The following KYNU variants were observed in gnomAD, a reference collection of about 807,000 sequenced individuals.
KYNU encodes kynureninase.
A neutral mutation model predicts 59.2 loss-of-function variants in KYNU; 54 were observed. The observed-to-expected ratio is 0.91, with a 90% CI of 0.73 to 1.14. The LOEUF (loss-of-function observed/expected upper bound fraction) is 1.14. Ranked by LOEUF, KYNU falls within the 50% of genes most tolerant of loss-of-function variation. The probability of loss-of-function intolerance (pLI) is 0.00; values close to 1 mark genes in which losing one functional copy is unlikely to be tolerated. For synonymous variants in KYNU, 177 were observed against 192.0 expected (o/e 0.92, Z 0.65); for missense variants, 567 against 554.4 (o/e 1.02, Z -0.23).
chr2:142,878,066 T>G (rs1056878536), intron 1 of KYNU, among the ~76,000 whole-genome samples: 1 of 152,184 alleles, frequency 6.6e-6, no homozygotes, highest in Non-Finnish European at 1.5e-5. Flanking sequence ...TAGGTCAAAC[T>G]CCAGACGAGG....
chr2:143,011,655 A>G, intron 10 of KYNU, among the ~76,000 whole-genome samples: 1 of 42,312 alleles, frequency 2.4e-5, no homozygotes, highest in Non-Finnish European at 4.1e-5. Flanking sequence ...AAAGACTTGG[A>G]ACCAACCCAA....
intron 4 of KYNU, among the ~76,000 whole-genome samples, chr2:142,944,582 G>A (rs983355987): frequency 2.6e-5 from 4 of 151,888 alleles, no homozygotes; most frequent in Admixed American, 2.0e-4. Context: ...CAACATAACT[G>A]GAGCTCTTGA....
At chr2:142,928,046 T>G (rs1683099670) in intron 4 of KYNU, among the ~76,000 whole-genome samples, 1 of 152,196 alleles carries the variant, frequency 6.6e-6, no homozygotes, top group African/African-American at 2.4e-5. Flanking sequence ...ATTGAATACA[T>G]TTCATAAAAA....
chr2:143,043,039 T>C lies in KYNU; in HGVS notation c.*867T>C, dbSNP rs900928663. The C allele has an allele frequency of 7.9e-5, 12 of 151,954 alleles. No individual in the cohort carries two copies. Among genetic ancestry groups the C allele is most frequent in the Non-Finnish European group, 1.5e-4 (10 of 67,916 alleles). The allele number at this position is 151,954 out of a possible 1,614,324, so 9.4% of individuals were successfully genotyped here. On this transcript the variant is annotated 3_prime_UTR_variant, in exon 14 of 14. Transcript: ENST00000264170. ...TCTCATAAGAAATGTTGGAAACTCA[T>C]TATATTGATTTCCTTACCCACTCAT...
At position 142,908,503 on chromosome 2, in the gene KYNU, TAA is replaced by T. The variant is rs1553475371; in HGVS notation, c.170-10099_170-10098del. ...AAGGAACTGGTTGTGGGATTTTTTT[TAA>T]AAAAAATATGCCTATATTAGAGTCC... On this transcript the variant is annotated intron_variant, in intron 2 of 13. Transcript: ENST00000264170. Among the ~76,000 whole-genome samples the T allele has an allele frequency of 1.7e-4, 26 of 151,738 alleles. 1 individual carries two copies. Among genetic ancestry groups the T allele is most frequent in the South Asian group, 6.2e-4 (3 of 4,806 alleles).
At chr2:143,030,241 T>G (rs1686701459) in intron 11 of KYNU, among the ~76,000 whole-genome samples, 1 of 152,240 alleles carries the variant, frequency 6.6e-6, no homozygotes, top group Admixed American at 6.5e-5. Context: ...CCTATTTTCC[T>G]TTTGTGGCTT....
At chr2:142,933,417 AG>A (rs1310482502) in intron 4 of KYNU, among the ~76,000 whole-genome samples, 5 of 152,312 alleles carry the variant, frequency 3.3e-5, no homozygotes, top group African/African-American at 1.2e-4. Flanking sequence ...GTGGGGCTTT[AG>A]CAGCTTGGTA....
At position 143,046,075 on chromosome 2, in the gene KYNU, C is replaced by T. The variant is rs548123735; in HGVS notation, c.*3903C>T. On this transcript the variant is annotated 3_prime_UTR_variant, in exon 14 of 14. Coordinates refer to ENST00000264170, the MANE Select transcript of KYNU (RefSeq NM_003937.3). ...ATAAACATATCATGGAAAACATAAT[C>T]AGCACCATGTACTCAACACCTAGGT... is the stretch of plus-strand genomic sequence containing the variant. 2 of 152,200 alleles carry T rather than the reference C, an allele frequency of 1.3e-5. No homozygotes were observed. Among genetic ancestry groups the T allele is most frequent in the African/African-American group, 4.8e-5 (2 of 41,556 alleles). 9.4% of individuals were successfully genotyped at this position (152,200 alleles called of 1,614,324 possible). A position where few individuals can be genotyped will look rare whatever the true frequency, so the allele number is the denominator to read the frequency against.
At chr2:142,927,867 T>A in intron 4 of KYNU, 126 bp downstream of exon 4, 1 of 695,286 alleles carries the variant, frequency 1.4e-6, no homozygotes, top group Non-Finnish European at 2.5e-6. Flanking sequence ...TAATCTATAA[T>A]AGTAAAAAGG....
At chr2:143,030,283 G>A (rs1416203981) in intron 11 of KYNU, among the ~76,000 whole-genome samples, 2 of 152,016 alleles carry the variant, frequency 1.3e-5, no homozygotes, top group Non-Finnish European at 2.9e-5. Flanking sequence ...AGCAATTCCT[G>A]TGAGCAGTTA....
At position 143,054,420 on chromosome 2, in the gene KYNU, A is replaced by G. The variant is rs1687318934; in HGVS notation, c.*12248A>G. 6.6e-6 allele frequency: 1 copy of G among 152,242 alleles called. No individual in the cohort carries two copies. The highest frequency in any genetic ancestry group is 1.5e-5 in the Non-Finnish European group (1 of 68,038). The allele number at this position is 152,242 out of a possible 1,614,324, so 9.4% of individuals were successfully genotyped here. Reference sequence around the variant, plus strand: ...ATATTTGATGAAGAAAATCGAATATAATCATTTTTCAATACTTAGGATAAC... The same window carrying G: ...ATATTTGATGAAGAAAATCGAATATGATCATTTTTCAATACTTAGGATAAC... On this transcript the variant is annotated 3_prime_UTR_variant, in exon 14 of 14. Coordinates refer to ENST00000264170, the MANE Select transcript of KYNU (RefSeq NM_003937.3).
chr2:142,973,707 A>C (rs1684804915), intron 8 of KYNU, among the ~76,000 whole-genome samples: 1 of 152,170 alleles, frequency 6.6e-6, no homozygotes, highest in African/African-American at 2.4e-5. Context: ...GCTGAGGTGT[A>C]CATTACACTC....
intron 4 of KYNU, chr2:142,947,246 G>C (rs956245291): frequency 6.5e-7 from 1 of 1,547,676 alleles, no homozygotes; most frequent in Non-Finnish European, 8.7e-7. Context: ...AACCTTGAGA[G>C]AGGAAGATTT....
At chr2:142,982,614 T>C (rs1462815187) in intron 8 of KYNU, among the ~76,000 whole-genome samples, 1 of 152,028 alleles carries the variant, frequency 6.6e-6, no homozygotes, top group Non-Finnish European at 1.5e-5. Context: ...GAAGAGACTC[T>C]TAGGGTACAA....
chr2:142,955,957 A>T (rs1340432643), intron 5 of KYNU, among the ~76,000 whole-genome samples: 2 of 152,092 alleles, frequency 1.3e-5, no homozygotes, highest in Non-Finnish European at 2.9e-5. Context: ...AGGATTCGTT[A>T]TCACATTCAC....
chr2:142,924,396 C>T lies in KYNU; in HGVS notation c.291-3263C>T, dbSNP rs979913451. On this transcript the variant is annotated intron_variant, in intron 3 of 13. Transcript: ENST00000264170. ...TGCTGGGATTACAGGCGTGAGCCAC[C>T]GTCCCTGGCCTCTCAACATCTTTAT... 1.1e-4 allele frequency among the ~76,000 whole-genome samples: 16 copies of T among 152,270 alleles called. 2 individuals carry two copies. Among genetic ancestry groups the T allele is most frequent in the Admixed American group, 7.2e-4 (11 of 15,290 alleles).
chr2:142,975,117 C>A (rs78667742), intron 8 of KYNU, among the ~76,000 whole-genome samples: 2 of 151,988 alleles, frequency 1.3e-5, no homozygotes, highest in African/African-American at 4.8e-5. Flanking sequence ...GTTTTCCTGC[C>A]TAAATGTTGT....
rs1205918681 is a variant in KYNU at position 143,053,461 on chromosome 2, G to A, written c.*11289G>A. 6.6e-6 allele frequency: 1 copy of A among 152,164 alleles called. No homozygotes were observed. The highest frequency in any genetic ancestry group is 1.9e-4 in the East Asian group (1 of 5,196). The allele number at this position is 152,164 out of a possible 1,614,324, so 9.4% of individuals were successfully genotyped here. On this transcript the variant is annotated 3_prime_UTR_variant, in exon 14 of 14. Coordinates refer to ENST00000264170, the MANE Select transcript of KYNU (RefSeq NM_003937.3). ...TTTGAAATGTGAGAACATTTAAGAG[G>A]GGCCAGGGGCAGAATGATATGGTTT... is the stretch of plus-strand genomic sequence containing the variant.
rs138438909 is a variant in KYNU, at chr2:143,026,738, T to TGTCCGCA, written c.903-2867_903-2861dup. Among the ~76,000 whole-genome samples the TGTCCGCA allele has an allele frequency of 1.7e-4, 15 of 87,774 alleles. No individual in the cohort carries two copies. The East Asian group carries it at 2.8e-3, about 17-fold the overall frequency. 57.6% of individuals were successfully genotyped at this position (87,774 alleles called of 152,430 possible). A position where few individuals can be genotyped will look rare whatever the true frequency, so the allele number is the denominator to read the frequency against. On this transcript the variant is annotated intron_variant, in intron 10 of 13. Transcript: ENST00000264170. ...CGTTACAGTGCTCTTTTAGCTCTGC[T>TGTCCGCA]GTCCGCAGTCCGCAGTCCGCAGTCC...
Sources: gnomAD v4.1 joint callset for allele counts (sites outside exome capture counted in the v4.1 genomes callset) on GRCh38, gnomAD v4.1.1 for gene constraint, MANE v1.5 for transcripts, NCBI Gene and HGNC (gene_info 2026-07-23, HGNC 2026-07-21) for gene names.